The following ZMYM2 variants were observed in gnomAD, a reference collection of about 807,000 sequenced individuals.
ZMYM2 encodes zinc finger MYM-type containing 2.
In ZMYM2, 56 loss-of-function variants were observed where a neutral mutation model predicts 162.8. The observed-to-expected ratio is 0.34, with a 90% CI of 0.28 to 0.43. The LOEUF (loss-of-function observed/expected upper bound fraction) is 0.43, where lower values mean the gene tolerates loss of function less well. ZMYM2 is among the 20% of genes least tolerant of loss of function. The pLI is 1.00. For synonymous variants in ZMYM2, 510 were observed against 541.6 expected (o/e 0.94, Z 0.81); for missense variants, 1,275 against 1,621.8 (o/e 0.79, Z 3.67).
At chr13:19,941,474 GC>G in the ZMYM2 span, among the ~76,000 whole-genome samples, 1 of 152,120 alleles carries the variant, frequency 6.6e-6, no homozygotes, top group Non-Finnish European at 1.5e-5. Flanking sequence ...TGAGCAGGGA[GC>G]TTTTATAGGC....
chr13:19,998,417 C>G (rs1243595668), intron 3 of ZMYM2, among the ~76,000 whole-genome samples: 1 of 152,262 alleles, frequency 6.6e-6, no homozygotes, highest in Non-Finnish European at 1.5e-5. Flanking sequence ...ACTATGTATT[C>G]AAGTGACAAG....
At chr13:19,962,516 T>TATATATATATATATATA (rs1491235309) in intron 2 of ZMYM2, among the ~76,000 whole-genome samples, 1 of 29,806 alleles carries the variant, frequency 3.4e-5, no homozygotes, top group African/African-American at 9.1e-5. Flanking sequence ...TATATATATA[T>TATATATATATATATATA]TTTTTTTTTT....
intron 9 of ZMYM2, among the ~76,000 whole-genome samples, chr13:20,029,420 G>T (rs1423642541): frequency 6.6e-6 from 1 of 152,254 alleles, no homozygotes; most frequent in Non-Finnish European, 1.5e-5. Flanking sequence ...CCAACATTCA[G>T]ACTGTAGCAT....
the ZMYM2 span, among the ~76,000 whole-genome samples, chr13:19,877,409 T>C: frequency 6.6e-6 from 1 of 152,078 alleles, no homozygotes; most frequent in Non-Finnish European, 1.5e-5. Context: ...AAAAACCCAA[T>C]GAAGCCAGAC....
At chr13:19,974,377 G>A (rs745571472) in intron 2 of ZMYM2, among the ~76,000 whole-genome samples, 6 of 152,024 alleles carry the variant, frequency 3.9e-5, no homozygotes, top group Non-Finnish European at 8.8e-5. Flanking sequence ...AGTGCTGCAT[G>A]GTGTTTTGTT....
chr13:20,084,123 C>A (rs1033091078), intron 24 of ZMYM2, among the ~76,000 whole-genome samples: 1 of 152,272 alleles, frequency 6.6e-6, no homozygotes, highest in Non-Finnish European at 1.5e-5. Context: ...GCCATCCTCC[C>A]ACCCTCTGCC....
At position 19,966,127 on chromosome 13, in the gene ZMYM2, T is replaced by G. The variant is rs533438764; in HGVS notation, c.-11+6101T>G. On this transcript the variant is annotated intron_variant, in intron 2 of 24. Coordinates refer to ENST00000610343, the MANE Select transcript of ZMYM2 (RefSeq NM_197968.4). ...CTATATTTGCTTGTTTTTTTTTTTGTTTTTGTTTTGTTTTGTTTTGTTTTG... is the reference window on the plus strand; with the variant it reads ...CTATATTTGCTTGTTTTTTTTTTTGGTTTTGTTTTGTTTTGTTTTGTTTTG... Among the ~76,000 whole-genome samples the G allele has an allele frequency of 2.3e-3, 344 of 147,490 alleles. 2 individuals are homozygous for G. The highest frequency in any genetic ancestry group is 3.3e-3 in the Non-Finnish European group (220 of 67,078).
chr13:20,026,659 G>A lies in ZMYM2; in HGVS notation c.1632G>A (p.Arg544=), dbSNP rs1952609047. 4 of 1,610,078 alleles carry A rather than the reference G, an allele frequency of 2.5e-6. No individual in the cohort carries two copies. The highest frequency in any genetic ancestry group is 3.4e-6 in the Non-Finnish European group (4 of 1,179,006). ...TTCTGCRTQC[R]FFDMTQCIGP... is the part of the protein sequence containing the mutation. ...GTACTGGTTGCCGAACACAGTGCAG[G>A]TTTTTTGATATGACTCAGTGTATAG... Residue 544 remains arginine, a synonymous_variant, in exon 8 of 25, where the codon AGG becomes AGA. Transcript: ENST00000610343.
intron 21 of ZMYM2, among the ~76,000 whole-genome samples, chr13:20,070,087 C>A (rs568503575): frequency 1.0e-3 from 158 of 152,126 alleles, no homozygotes; most frequent in African/African-American, 3.7e-3. Flanking sequence ...TTGTTTGATG[C>A]TGGCCACATG....
intron 2 of ZMYM2, among the ~76,000 whole-genome samples, chr13:19,967,394 C>CA (rs149282434): frequency 0.016 from 2,371 of 151,766 alleles, 54 homozygotes; most frequent in African/African-American, 0.053. Context: ...GATTTTCTGC[C>CA]AAAAAAAGCC....
At chr13:19,931,039 T>C in the ZMYM2 span, among the ~76,000 whole-genome samples, 1 of 150,374 alleles carries the variant, frequency 6.7e-6, no homozygotes, top group South Asian at 2.1e-4. Context: ...CTTGGGGGGC[T>C]GAGGCAGGAG....
At chr13:20,006,641 T>C (rs1461658629) in intron 6 of ZMYM2, 55 bp downstream of exon 6, 1 of 1,536,468 alleles carries the variant, frequency 6.5e-7, no homozygotes, top group Non-Finnish European at 8.9e-7. Flanking sequence ...TTGAAAGTGT[T>C]GTAATACTTT....
At chr13:19,914,519 C>G in the ZMYM2 span, among the ~76,000 whole-genome samples, 1 of 152,210 alleles carries the variant, frequency 6.6e-6, no homozygotes, top group Non-Finnish European at 1.5e-5. Flanking sequence ...GCACCATTCC[C>G]CAGGGTGATC....
chr13:19,979,905 T>C (rs1215169452), intron 2 of ZMYM2, among the ~76,000 whole-genome samples: 1 of 152,198 alleles, frequency 6.6e-6, no homozygotes, highest in African/African-American at 2.4e-5. Context: ...CACTCAATGG[T>C]TGCTTGGGTG....
At chr13:19,884,154 G>C in the ZMYM2 span, among the ~76,000 whole-genome samples, 7 of 152,108 alleles carry the variant, frequency 4.6e-5, no homozygotes, top group African/African-American at 1.7e-4. Context: ...GATTGCTTGA[G>C]CTTATGAGTT....
At chr13:19,893,787 A>G in the ZMYM2 span, among the ~76,000 whole-genome samples, 1 of 151,850 alleles carries the variant, frequency 6.6e-6, no homozygotes, top group African/African-American at 2.4e-5. Flanking sequence ...ACACAAAAGT[A>G]TAAACATAAT....
At chr13:19,928,788 C>A in the ZMYM2 span, among the ~76,000 whole-genome samples, 1 of 147,416 alleles carries the variant, frequency 6.8e-6, no homozygotes, top group African/African-American at 2.6e-5. Flanking sequence ...TAGAGTGAGA[C>A]TCTGTCTCAA....
At chr13:20,031,266 A>G in intron 9 of ZMYM2, 53 bp from the exon 10 acceptor site, 1 of 1,269,094 alleles carries the variant, frequency 7.9e-7, no homozygotes, top group Non-Finnish European at 1.1e-6. Flanking sequence ...GTAATCACAA[A>G]TAGAAATTCA....
the ZMYM2 span, among the ~76,000 whole-genome samples, chr13:19,910,961 C>T: frequency 1.3e-4 from 20 of 151,366 alleles, no homozygotes; most frequent in South Asian, 4.2e-4. Context: ...GGTCTGTAGA[C>T]GCAGAAAAGC....
Sources: gnomAD v4.1 joint callset for allele counts (sites outside exome capture counted in the v4.1 genomes callset) on GRCh38, gnomAD v4.1.1 for gene constraint, MANE v1.5 for transcripts, NCBI Gene and HGNC (gene_info 2026-07-23, HGNC 2026-07-21) for gene names.